The following CNTN6 variants were observed in gnomAD, a reference collection of about 807,000 sequenced individuals.
The protein encoded by CNTN6 is contactin 6.
In CNTN6, 137 loss-of-function variants were observed where a neutral mutation model predicts 122.8. The observed-to-expected ratio is 1.12, with a 90% CI of 0.97 to 1.29. The LOEUF (loss-of-function observed/expected upper bound fraction) is 1.29, where lower values mean the gene tolerates loss of function less well. Among genes scored for constraint, CNTN6 ranks in the 50% most tolerant of loss-of-function variants. The probability of loss-of-function intolerance (pLI) is 0.00; values close to 1 mark genes in which losing one functional copy is unlikely to be tolerated. For missense variants in CNTN6, 1,634 were observed against 1,223.4 expected (o/e 1.34, Z -5.01); for synonymous variants, 570 against 426.0 (o/e 1.34, Z -4.16).
At chr3:1,146,433 G>A (rs2092724192) in intron 1 of CNTN6, among the ~76,000 whole-genome samples, 1 of 151,972 alleles carries the variant, frequency 6.6e-6, no homozygotes, top group South Asian at 2.1e-4. Context: ...CTACAGCTCT[G>A]CTGTTTTCAT....
intron 2 of CNTN6, among the ~76,000 whole-genome samples, chr3:1,217,692 G>C (rs1314636491): frequency 2.0e-5 from 3 of 152,148 alleles, no homozygotes; most frequent in Non-Finnish European, 4.4e-5. Flanking sequence ...AATGTGAGAG[G>C]ATAGTGAAAT....
intron 7 of CNTN6, among the ~76,000 whole-genome samples, chr3:1,310,243 C>T (rs544088019): frequency 6.6e-6 from 1 of 152,252 alleles, no homozygotes; most frequent in South Asian, 2.1e-4. Flanking sequence ...AAGTAGGATG[C>T]TAGTGCTACA....
chr3:1,323,917 T>G (rs1430543943), intron 8 of CNTN6, among the ~76,000 whole-genome samples: 1 of 150,660 alleles, frequency 6.6e-6, no homozygotes, highest in East Asian at 1.9e-4. Flanking sequence ...GCCGCAATTA[T>G]TGCATTAAGC....
At chr3:1,352,682 C>T (rs551601894) in intron 12 of CNTN6, among the ~76,000 whole-genome samples, 38 of 151,726 alleles carry the variant, frequency 2.5e-4, no homozygotes, top group Non-Finnish European at 4.3e-4. Flanking sequence ...GAGTGTCATT[C>T]GAGTTAAAAC....
chr3:1,211,936 A>T (rs531296443), intron 2 of CNTN6, among the ~76,000 whole-genome samples: 27 of 152,306 alleles, frequency 1.8e-4, no homozygotes, highest in African/African-American at 6.0e-4. Context: ...TCCACAGTTT[A>T]AGAGCTACTT....
chr3:1,275,436 C>A (rs1692157391), intron 4 of CNTN6, among the ~76,000 whole-genome samples: 1 of 152,126 alleles, frequency 6.6e-6, no homozygotes, highest in Non-Finnish European at 1.5e-5. Flanking sequence ...TATTATTCAC[C>A]TCTAGCTTTT....
intron 20 of CNTN6, among the ~76,000 whole-genome samples, chr3:1,388,747 C>T (rs1036931259): frequency 5.5e-4 from 75 of 136,864 alleles, no homozygotes; most frequent in South Asian, 1.4e-3. Context: ...AACCAAGGCT[C>T]GAGAACTACG....
chr3:1,101,207 G>T (rs908794468), intron 1 of CNTN6, among the ~76,000 whole-genome samples: 1 of 151,912 alleles, frequency 6.6e-6, no homozygotes, highest in Non-Finnish European at 1.5e-5. Context: ...TGCCTTTTTC[G>T]GATTCTTTTT....
intron 2 of CNTN6, 56 bp from the exon 3 acceptor site, chr3:1,220,631 T>C: frequency 6.7e-7 from 1 of 1,485,012 alleles, no homozygotes; most frequent in African/African-American, 1.4e-5. Flanking sequence ...AATATAGACT[T>C]GCATTCAAAA....
intron 1 of CNTN6, among the ~76,000 whole-genome samples, chr3:1,113,442 A>T (rs528107685): frequency 6.6e-6 from 1 of 152,334 alleles, no homozygotes; most frequent in South Asian, 2.1e-4. Flanking sequence ...AAATTATCAT[A>T]TGAAAAATGT....
chr3:1,383,194 C>T lies in CNTN6; in HGVS notation c.2401+18C>T. The T allele has an allele frequency of 6.2e-7, 1 of 1,606,788 alleles. No individual in the cohort carries two copies. The highest frequency in any genetic ancestry group is 8.5e-7 in the Non-Finnish European group (1 of 1,173,564). ...GGAAGATGGTAAGTTGTCCTCAACT[C>T]TGGTTTTCTTTGAGACTCTATGCAT... is the stretch of plus-strand genomic sequence containing the variant. On this transcript the variant is annotated intron_variant, in intron 18 of 22. Coordinates refer to ENST00000446702, the MANE Select transcript of CNTN6 (RefSeq NM_001289080.2).
chr3:1,278,688 G>T (rs925903386), intron 5 of CNTN6, among the ~76,000 whole-genome samples, 180 bp downstream of exon 5: 1 of 152,122 alleles, frequency 6.6e-6, no homozygotes, highest in African/African-American at 2.4e-5. Flanking sequence ...AAAAATATTC[G>T]TTCAAGCAGC....
chr3:1,130,015 A>G (rs991474812), intron 1 of CNTN6, among the ~76,000 whole-genome samples: 1 of 152,094 alleles, frequency 6.6e-6, no homozygotes, highest in Non-Finnish European at 1.5e-5. Flanking sequence ...TTAAAAAGCA[A>G]ATCTTTAATT....
Position 1,383,038 on chromosome 3 carries a change from T to C in CNTN6, c.2263T>C (p.Ser755Pro). Residue 755 changes from serine (S) to proline (P), a missense_variant, in exon 18 of 23, where the codon TCT becomes CCT. Ser to Pro is a moderately conservative substitution (Grantham distance 74, BLOSUM62 -1). Transcript: ENST00000446702. ...AACCTGGTCCAAGGAGAAAGTGTCA[T>C]CTGTGGAATCATCAAGGTTTGTCTA... ...STTWSKEKVS[S>P]VESSRFVYRN... The C allele has an allele frequency of 1.2e-6, 2 of 1,614,066 alleles. No individual in the cohort carries two copies. The highest frequency in any genetic ancestry group is 1.7e-6 in the Non-Finnish European group (2 of 1,179,948).
intron 20 of CNTN6, among the ~76,000 whole-genome samples, chr3:1,392,777 A>G (rs1694361508): frequency 7.1e-6 from 1 of 141,614 alleles, no homozygotes; most frequent in African/African-American, 2.6e-5. Context: ...AAAAGAAGAC[A>G]TTTATGCAGC....
intron 12 of CNTN6, among the ~76,000 whole-genome samples, chr3:1,358,144 C>G (rs978369447): frequency 4.0e-5 from 6 of 151,856 alleles, no homozygotes; most frequent in African/African-American, 1.4e-4. Context: ...GTATAAACCA[C>G]TAGCTATCCA....
chr3:1,379,179 A>T (rs1428551170), intron 17 of CNTN6, among the ~76,000 whole-genome samples: 1 of 124,360 alleles, frequency 8.0e-6, no homozygotes, highest in South Asian at 2.3e-4. Flanking sequence ...GATGAGCATG[A>T]ATTACCAAAG....
Position 1,297,900 on chromosome 3 carries a change from G to A in CNTN6, c.670G>A (p.Glu224Lys), listed in dbSNP as rs370986050. 5.6e-6 allele frequency: 9 copies of A among 1,611,008 alleles called. No homozygotes were observed. Among genetic ancestry groups the A allele is most frequent in the East Asian group, 2.2e-5 (1 of 44,788 alleles). ...LVQRTDGVMGEYEPKIEVRFP... is the reference protein window; with the variant it reads ...LVQRTDGVMGKYEPKIEVRFP... Reference sequence around the variant, plus strand: ...TTGATATTTAACAGGTGTGATGGGGGAATATGAACCAAAGATTGAAGTGCG... The same window carrying A: ...TTGATATTTAACAGGTGTGATGGGGAAATATGAACCAAAGATTGAAGTGCG... The change falls in exon 7 of 23, where the codon GAA becomes AAA. Residue 224 changes from glutamate (E) to lysine (K), a missense_variant. By Grantham distance (56) the Glu-to-Lys change is moderately conservative. Coordinates refer to ENST00000446702, the MANE Select transcript of CNTN6 (RefSeq NM_001289080.2).
intron 2 of CNTN6, among the ~76,000 whole-genome samples, chr3:1,170,061 C>A (rs184693899): frequency 5.9e-5 from 9 of 151,788 alleles, no homozygotes; most frequent in Middle Eastern, 3.4e-3. Context: ...ATTGTGAAGC[C>A]CTGTCTCTAC....
Sources: allele counts gnomAD v4.1 joint callset (sites outside exome capture counted in the v4.1 genomes callset), GRCh38; gene constraint gnomAD v4.1.1; transcripts MANE v1.5; gene names NCBI Gene and HGNC (gene_info 2026-07-23, HGNC 2026-07-21).